Variants in GAN observed in about 807,000 individuals in gnomAD.
The protein encoded by GAN is epididymis secretory sperm binding protein.
In GAN, 48 loss-of-function variants were observed where a neutral mutation model predicts 71.3. That is an observed-to-expected ratio of 0.67 (90% CI 0.53 to 0.86). The LOEUF is 0.86. GAN is among the 40% of genes least tolerant of loss of function. The pLI is 0.00. For missense variants in GAN, 928 were observed against 770.1 expected (o/e 1.21, Z -2.43); for synonymous variants, 386 against 276.8 (o/e 1.39, Z -3.92).
Position 81,317,865 on chromosome 16 carries a change from AT to A in GAN, c.167+2597del, listed in dbSNP as rs556655695. ...TCAATCATCTTTAAAGAGAAGGCAGATTTTTTTTTTTTATGTTTTGTGGATA... is the reference window on the plus strand; with the variant it reads ...TCAATCATCTTTAAAGAGAAGGCAGATTTTTTTTTTTATGTTTTGTGGATA... On this transcript the variant is annotated intron_variant, in intron 1 of 10. Coordinates refer to ENST00000648994, the MANE Select transcript of GAN (RefSeq NM_022041.4). Among the ~76,000 whole-genome samples the A allele has an allele frequency of 2.7e-3, 396 of 147,522 alleles. 1 individual carries two copies. The highest frequency in any genetic ancestry group is 6.8e-3 in the African/African-American group (275 of 40,554).
Position 81,356,955 on chromosome 16 carries a change from C to G in GAN, c.804C>G (p.Pro268=), listed in dbSNP as rs770806169. ...QGEAMLANFK[P]RGYSECIVTV... ...AGGCGATGCTGGCCAACTTCAAACC[C>G]CGGGGCTACTCTGAGTGCATCGTGA... The change falls in exon 4 of 11, where the codon CCC becomes CCG. Residue 268 remains proline, a synonymous_variant. Transcript: ENST00000648994. 19 of 1,613,392 alleles carry G rather than the reference C, an allele frequency of 1.2e-5. No individual in the cohort carries two copies. In the South Asian group the frequency reaches 1.8e-4, roughly 15 times the overall value.
At chr16:81,327,732 G>A (rs1285130650) in intron 1 of GAN, among the ~76,000 whole-genome samples, 2 of 152,184 alleles carry the variant, frequency 1.3e-5, no homozygotes, top group Admixed American at 6.5e-5. Flanking sequence ...CCTGTGTACT[G>A]TAGCAAGAAA....
rs570826951 is a variant in GAN at position 81,341,898 on chromosome 16, G to C, written c.168-9685G>C. Among the ~76,000 whole-genome samples, 97 of 152,254 alleles carry C rather than the reference G, an allele frequency of 6.4e-4. No homozygotes were observed. The South Asian group carries it at 8.9e-3, about 14-fold the overall frequency. On this transcript the variant is annotated intron_variant, in intron 1 of 10. Transcript: ENST00000648994. The stretch of plus-strand genomic sequence containing the variant: ...TGTGTTCAGGAGACCCATCTCACAT[G>C]CAAAGACACACATAGGCTCAAAATA...
chr16:81,321,371 T>C (rs1252972661), intron 1 of GAN, among the ~76,000 whole-genome samples: 1 of 152,236 alleles, frequency 6.6e-6, no homozygotes, highest in Non-Finnish European at 1.5e-5. Flanking sequence ...CTCACTCTTT[T>C]ACCTATACTG....
chr16:81,353,485 C>CG (rs1270179047), intron 2 of GAN, among the ~76,000 whole-genome samples: 1 of 152,114 alleles, frequency 6.6e-6, no homozygotes, highest in African/African-American at 2.4e-5. Flanking sequence ...GCTTACTCAC[C>CG]ATACTACTTT....
At chr16:81,315,963 A>G (rs763211607) in intron 1 of GAN, among the ~76,000 whole-genome samples, 17 of 152,256 alleles carry the variant, frequency 1.1e-4, no homozygotes, top group Non-Finnish European at 1.8e-4. Context: ...TACACGTTGA[A>G]GTAAACTGTA....
intron 1 of GAN, among the ~76,000 whole-genome samples, chr16:81,331,476 A>G (rs1909574937): frequency 6.6e-6 from 1 of 152,242 alleles, no homozygotes; most frequent in South Asian, 2.1e-4. Flanking sequence ...TGCAGGGTGC[A>G]AAGGAACTCA....
chr16:81,365,020 G>A lies in GAN; in HGVS notation c.1283G>A (p.Gly428Glu), dbSNP rs1910804001. ...AMKKKIYAMG[G>E]GSYGKLFESV... ...AAAAAGAAAATCTACGCCATGGGTG[G>A]AGGCTCCTACGGAAAGCTTTTTGAG... is the stretch of plus-strand genomic sequence containing the variant. Residue 428 changes from glycine to glutamate, a missense_variant, in exon 8 of 11, where the codon GGA becomes GAA. Transcript: ENST00000648994. 1 of 1,613,450 alleles carries A rather than the reference G, an allele frequency of 6.2e-7. No individual in the cohort carries two copies. The highest frequency in any genetic ancestry group is 8.5e-7 in the Non-Finnish European group (1 of 1,179,506).
At chr16:81,339,411 T>G (rs1311560887) in intron 1 of GAN, among the ~76,000 whole-genome samples, 1 of 152,218 alleles carries the variant, frequency 6.6e-6, no homozygotes, top group Non-Finnish European at 1.5e-5. Flanking sequence ...AAATCATATG[T>G]GAGAGCACTT....
intron 1 of GAN, among the ~76,000 whole-genome samples, chr16:81,327,407 G>T (rs1321100047): frequency 1.3e-5 from 2 of 152,168 alleles, no homozygotes; most frequent in African/African-American, 4.8e-5. Flanking sequence ...GGGAACTGGA[G>T]GGGTGTACTG....
chr16:81,343,257 C>G (rs1017107739), intron 1 of GAN, among the ~76,000 whole-genome samples: 29 of 152,334 alleles, frequency 1.9e-4, no homozygotes, highest in African/African-American at 7.0e-4. Flanking sequence ...GGAATCCTCA[C>G]TAACTCATTT....
rs746357312 is a variant in GAN at position 81,315,203 on chromosome 16, C to T, written c.90C>T (p.Cys30=). 10 of 1,578,230 alleles carry T rather than the reference C, an allele frequency of 6.3e-6. No homozygotes were observed. The highest frequency in any genetic ancestry group is 5.3e-5 in the Admixed American group (3 of 56,078). ...CTTTCCGCGAGGAGTCTCGCTTCTG[C>T]GACGCGCACCTGGTCCTCGACGGGG... The part of the protein sequence containing the change: ...LSSFREESRF[C]DAHLVLDGEE... The change falls in exon 1 of 11, where the codon TGC becomes TGT. Residue 30 remains cysteine (C), a synonymous_variant. Coordinates refer to ENST00000648994, the MANE Select transcript of GAN (RefSeq NM_022041.4).
intron 1 of GAN, among the ~76,000 whole-genome samples, chr16:81,328,459 A>T (rs1909460870): frequency 6.6e-6 from 1 of 152,258 alleles, no homozygotes; most frequent in South Asian, 2.1e-4. Flanking sequence ...AGGCTGAATG[A>T]TGACACCATA....
chr16:81,375,951 G>C (rs1046365696), intron 9 of GAN, among the ~76,000 whole-genome samples: 2 of 146,722 alleles, frequency 1.4e-5, no homozygotes, highest in Non-Finnish European at 3.0e-5. Context: ...GCCTGGATGA[G>C]TGACAGAGTA....
At chr16:81,364,750 G>T (rs1042438059) in intron 7 of GAN, among the ~76,000 whole-genome samples, 2 of 152,220 alleles carry the variant, frequency 1.3e-5, no homozygotes, top group Non-Finnish European at 2.9e-5. Context: ...AATAGTATCA[G>T]TTGGAGTAAG....
intron 1 of GAN, among the ~76,000 whole-genome samples, chr16:81,339,345 C>T (rs997920268): frequency 4.6e-5 from 7 of 152,178 alleles, no homozygotes; most frequent in Non-Finnish European, 7.3e-5. Context: ...AGTTATTAAA[C>T]GTTCTTCCTT....
chr16:81,354,625 A>C lies in GAN; in HGVS notation c.503A>C (p.Glu168Ala). The change falls in exon 3 of 11, where the codon GAA (glutamate) becomes GCA (alanine). Residue 168 changes from glutamate to alanine, a missense_variant. Transcript: ENST00000648994. ...ETHFRDVSSTEEFLELSPQKL... is the reference protein window; with the variant it reads ...ETHFRDVSSTAEFLELSPQKL... ...CATTTCCGAGACGTCAGCAGCACGG[A>C]AGAATTCTTAGAGCTGAGTCCTCAA... The C allele has an allele frequency of 6.2e-7, 1 of 1,613,956 alleles. No homozygotes were observed. Among genetic ancestry groups the C allele is most frequent in the Non-Finnish European group, 8.5e-7 (1 of 1,179,780 alleles).
intron 4 of GAN, 120 bp from the exon 5 acceptor site, chr16:81,357,680 ACACTGACTTC>A: frequency 1.2e-6 from 1 of 867,996 alleles, no homozygotes; most frequent in Non-Finnish European, 1.9e-6. Context: ...AGGAATCGTC[ACACTGACTTC>A]CACAAGGGTT....
At chr16:81,374,993 A>C (rs1159544568) in intron 9 of GAN, among the ~76,000 whole-genome samples, 4 of 75,554 alleles carry the variant, frequency 5.3e-5, no homozygotes, top group Non-Finnish European at 9.7e-5. Flanking sequence ...TAAATGTAAA[A>C]GATAAAACTA....
Sources: gnomAD v4.1 joint callset for allele counts (sites outside exome capture counted in the v4.1 genomes callset) on GRCh38, gnomAD v4.1.1 for gene constraint, MANE v1.5 for transcripts, NCBI Gene and HGNC (gene_info 2026-07-23, HGNC 2026-07-21) for gene names.